UNC13C: variants seen among roughly 807,000 people sequenced by gnomAD.
UNC13C encodes the protein protein unc-13 homolog C.
A neutral mutation model predicts 245.4 loss-of-function variants in UNC13C; 174 were observed. The observed-to-expected ratio is 0.71, with a 90% CI of 0.63 to 0.80. The LOEUF (loss-of-function observed/expected upper bound fraction) is 0.80, where lower values mean the gene tolerates loss of function less well. Ranked by LOEUF, UNC13C falls within the 30% of genes least tolerant of loss-of-function variation. The probability of loss-of-function intolerance (pLI) is 0.00; values close to 1 mark genes in which losing one functional copy is unlikely to be tolerated. For missense variants in UNC13C, 2,829 were observed against 2,602.9 expected (o/e 1.09, Z -1.89); for synonymous variants, 992 against 895.1 (o/e 1.11, Z -1.93).
intron 18 of UNC13C, among the ~76,000 whole-genome samples, chr15:54,403,715 CAAAAAAAAAAAAAAA>C (rs771818988): frequency 1.8e-5 from 1 of 56,866 alleles, no homozygotes; most frequent in South Asian, 1.0e-3. Flanking sequence ...GAACCTGTCT[CAAAAAAAAAAAAAAA>C]AAAAAAAAAG....
chr15:54,015,881 C>G lies in UNC13C; in HGVS notation c.2978C>G (p.Ala993Gly). The change falls in exon 2 of 33, where the codon GCT becomes GGT. Residue 993 changes from alanine to glycine, a missense_variant. By Grantham distance (60) the Ala-to-Gly change is moderately conservative. Transcript: ENST00000260323. ...QMAELEEKIL[A>G]GDSSSVDEKA... ...GCAGAGTTGGAAGAGAAGATCTTGG[C>G]TGGAGGTATTCATGTTTAAATGCTA... 2 of 1,577,114 alleles carry G rather than the reference C, an allele frequency of 1.3e-6. No individual in the cohort carries two copies. Among genetic ancestry groups the G allele is most frequent in the East Asian group, 4.5e-5 (2 of 44,314 alleles).
intron 4 of UNC13C, among the ~76,000 whole-genome samples, chr15:54,221,681 A>G (rs11634827): frequency 0.27 from 41,199 of 151,822 alleles, 8,162 homozygotes; most frequent in African/African-American, 0.54. Flanking sequence ...AAGATTAATC[A>G]CATAGCCCTA....
At chr15:54,519,694 C>T (rs1337235119) in intron 24 of UNC13C, among the ~76,000 whole-genome samples, 3 of 152,004 alleles carry the variant, frequency 2.0e-5, no homozygotes, top group Non-Finnish European at 4.4e-5. Context: ...CATTTTAAAA[C>T]GAAACAAAAA....
At chr15:54,059,132 G>T (rs998044463) in intron 2 of UNC13C, among the ~76,000 whole-genome samples, 1 of 152,162 alleles carries the variant, frequency 6.6e-6, no homozygotes, top group Non-Finnish European at 1.5e-5. Context: ...GCAGGAGAAA[G>T]AAATAAAGGG....
At chr15:54,016,020 G>A in intron 2 of UNC13C, 134 bp downstream of exon 2, 3 of 789,760 alleles carry the variant, frequency 3.8e-6, no homozygotes, top group Middle Eastern at 3.3e-4. Flanking sequence ...ACTCTGAGGA[G>A]CATTTTGTTT....
intron 13 of UNC13C, among the ~76,000 whole-genome samples, chr15:54,304,457 C>G (rs949679305): frequency 6.6e-6 from 1 of 151,914 alleles, no homozygotes; most frequent in Non-Finnish European, 1.5e-5. Context: ...TCATGACAAG[C>G]CTAACATTTT....
intron 4 of UNC13C, among the ~76,000 whole-genome samples, chr15:54,231,842 G>A (rs913935881): frequency 2.0e-4 from 30 of 152,126 alleles, no homozygotes; most frequent in African/African-American, 7.0e-4. Flanking sequence ...TGTTCATCAA[G>A]TCTAGACAGT....
intron 4 of UNC13C, among the ~76,000 whole-genome samples, chr15:54,160,679 A>G (rs2032937860): frequency 6.6e-6 from 1 of 152,184 alleles, no homozygotes; most frequent in African/African-American, 2.4e-5. Flanking sequence ...TGATTTTTAT[A>G]TGCATAAGTA....
At chr15:54,514,025 A>G (rs907380465) in intron 24 of UNC13C, among the ~76,000 whole-genome samples, 4 of 152,176 alleles carry the variant, frequency 2.6e-5, no homozygotes, top group Non-Finnish European at 5.9e-5. Context: ...GTGTCCTCCC[A>G]GAAAATAGAA....
At chr15:54,506,966 T>C in intron 22 of UNC13C, 151 bp from the exon 23 acceptor site, 1 of 506,690 alleles carries the variant, frequency 2.0e-6, no homozygotes, top group Non-Finnish European at 3.5e-6. Context: ...ACAGAGGGCA[T>C]TCTTAGGCTC....
chr15:54,203,737 CATA>C (rs2034605312), intron 4 of UNC13C, among the ~76,000 whole-genome samples: 2 of 100,504 alleles, frequency 2.0e-5, no homozygotes, highest in African/African-American at 5.9e-5. Context: ...TACACATATA[CATA>C]TATATGTATA....
At chr15:53,926,815 A>G in the UNC13C span, among the ~76,000 whole-genome samples, 1 of 152,152 alleles carries the variant, frequency 6.6e-6, no homozygotes, top group Non-Finnish European at 1.5e-5. Context: ...CATTCCAGAG[A>G]GAAGGGCATG....
At chr15:54,587,902 G>C (rs1275030262) in intron 30 of UNC13C, among the ~76,000 whole-genome samples, 2 of 152,202 alleles carry the variant, frequency 1.3e-5, no homozygotes, top group Non-Finnish European at 2.9e-5. Flanking sequence ...GACTAATTGA[G>C]TCATATTTTT....
At chr15:54,272,605 AATTT>A (rs755111455) in intron 10 of UNC13C, among the ~76,000 whole-genome samples, 18 of 152,216 alleles carry the variant, frequency 1.2e-4, no homozygotes, top group East Asian at 3.9e-4. Flanking sequence ...ATGGGATTAG[AATTT>A]ATTTATTTAT....
chr15:54,287,929 T>C (rs2037190928), intron 10 of UNC13C, among the ~76,000 whole-genome samples: 1 of 152,190 alleles, frequency 6.6e-6, no homozygotes, highest in Non-Finnish European at 1.5e-5. Flanking sequence ...CTAAAAATTA[T>C]ATTCAGTTAC....
chr15:54,412,608 T>A (rs1321453070), intron 18 of UNC13C, among the ~76,000 whole-genome samples: 1 of 152,224 alleles, frequency 6.6e-6, no homozygotes, highest in Non-Finnish European at 1.5e-5. Context: ...TCATTGGTAG[T>A]ATACCAAAAT....
At chr15:54,610,373 TACAGGCACACACCA>T (rs1480895904) in intron 30 of UNC13C, among the ~76,000 whole-genome samples, 2 of 152,108 alleles carry the variant, frequency 1.3e-5, no homozygotes, top group Non-Finnish European at 2.9e-5. Context: ...TATCTGGAAT[TACAGGCACACACCA>T]ACATGCCTAG....
the UNC13C span, among the ~76,000 whole-genome samples, chr15:53,898,242 G>A: frequency 6.6e-6 from 1 of 151,916 alleles, no homozygotes; most frequent in African/African-American, 2.4e-5. Context: ...ATCTTCTACT[G>A]TTAAAGTTGG....
At chr15:54,070,238 G>A (rs1028916363) in intron 2 of UNC13C, among the ~76,000 whole-genome samples, 2 of 152,336 alleles carry the variant, frequency 1.3e-5, no homozygotes, top group South Asian at 2.1e-4. Flanking sequence ...CCCTTGCTGT[G>A]TTTGAGGCAC....
Sources: allele counts gnomAD v4.1 joint callset (sites outside exome capture counted in the v4.1 genomes callset), GRCh38; gene constraint gnomAD v4.1.1; transcripts MANE v1.5; gene names NCBI Gene and HGNC (gene_info 2026-07-23, HGNC 2026-07-21).